The following TNRC6B variants were observed in gnomAD, a reference collection of about 807,000 sequenced individuals.
TNRC6B encodes the protein trinucleotide repeat containing adaptor 6B, also known as trinucleotide repeat-containing gene 6B protein.
A neutral mutation model predicts 203.6 loss-of-function variants in TNRC6B; 52 were observed. The observed-to-expected ratio is 0.26, with a 90% CI of 0.20 to 0.32. The LOEUF (loss-of-function observed/expected upper bound fraction) is 0.32, where lower values mean the gene tolerates loss of function less well. Ranked by LOEUF, TNRC6B falls within the 10% of genes least tolerant of loss-of-function variation. The pLI is 1.00. For missense variants in TNRC6B, 1,923 were observed against 2,286.2 expected, an observed-to-expected ratio of 0.84 and a Z score of 3.24; for synonymous variants, 838 against 845.7, an observed-to-expected ratio of 0.99 and a Z score of 0.16.
intron 1 of TNRC6B, among the ~76,000 whole-genome samples, chr22:40,076,436 T>C (rs2068014129): frequency 6.6e-6 from 1 of 152,228 alleles, no homozygotes; most frequent in Non-Finnish European, 1.5e-5. Flanking sequence ...CTTTTGTTCT[T>C]GAAAAATCTC....
intron 3 of TNRC6B, among the ~76,000 whole-genome samples, chr22:40,132,800 CG>C (rs2068559415): frequency 7.1e-6 from 1 of 140,588 alleles, no homozygotes; most frequent in East Asian, 2.2e-4. Context: ...AAAAATTAGC[CG>C]AGCATGGTGG....
chr22:40,276,239 C>G (rs1008832906), intron 7 of TNRC6B, among the ~76,000 whole-genome samples: 1 of 147,214 alleles, frequency 6.8e-6, no homozygotes, highest in Non-Finnish European at 1.5e-5. Context: ...CCCAGCTACT[C>G]GGGAGGCTGA....
At position 40,261,948 on chromosome 22, in the gene TNRC6B, G is replaced by A. The variant is rs865775118; in HGVS notation, c.232G>A (p.Gly78Arg). 3 of 1,612,706 alleles carry A rather than the reference G, an allele frequency of 1.9e-6. No homozygotes were observed. The highest frequency in any genetic ancestry group is 2.5e-6 in the Non-Finnish European group (3 of 1,179,114). Residue 78 changes from glycine (G) to arginine (R), a missense_variant, in exon 4 of 23, where the codon GGA becomes AGA. Coordinates refer to ENST00000454349, the MANE Select transcript of TNRC6B (RefSeq NM_001162501.2). ...TGCCAAAAGGGTGGCAGTGCCGAACGGACAACCGCCAAGCGCCGCCCGCTA... is the reference window on the plus strand; with the variant it reads ...TGCCAAAAGGGTGGCAGTGCCGAACAGACAACCGCCAAGCGCCGCCCGCTA... ...NNAKRVAVPN[G>R]QPPSAARYMP...
intron 1 of TNRC6B, among the ~76,000 whole-genome samples, chr22:40,199,518 A>G (rs1400173979): frequency 6.6e-6 from 1 of 152,124 alleles, no homozygotes; most frequent in African/African-American, 2.4e-5. Context: ...GTGACATTCT[A>G]CAAAATAACT....
intron 1 of TNRC6B, among the ~76,000 whole-genome samples, chr22:40,087,060 A>T (rs1487945985): frequency 6.6e-6 from 1 of 151,982 alleles, no homozygotes. Flanking sequence ...TGTTTGGAAA[A>T]TTTTGCTTTA....
At chr22:40,276,981 G>T (rs752602948) in intron 7 of TNRC6B, 96 bp from the exon 8 acceptor site, 1 of 864,434 alleles carries the variant, frequency 1.2e-6, no homozygotes, top group Non-Finnish European at 1.7e-6. Flanking sequence ...GACTTAAAAA[G>T]GTAAACTCAA....
At chr22:40,273,291 A>G in intron 6 of TNRC6B, 134 bp from the exon 7 acceptor site, 1 of 784,816 alleles carries the variant, frequency 1.3e-6, no homozygotes, top group Non-Finnish European at 1.9e-6. Flanking sequence ...AATGAGTAAT[A>G]ATATTTGTCT....
chr22:40,220,980 C>G, intron 1 of TNRC6B, among the ~76,000 whole-genome samples: 1 of 152,204 alleles, frequency 6.6e-6, no homozygotes. Flanking sequence ...AGCCCCGCCT[C>G]ACATGCCTTT....
At chr22:40,053,816 G>A (rs1464144522) in intron 1 of TNRC6B, among the ~76,000 whole-genome samples, 5 of 152,230 alleles carry the variant, frequency 3.3e-5, no homozygotes, top group African/African-American at 1.2e-4. Context: ...TGTTGAAACT[G>A]TAGTGAGAAT....
chr22:40,263,378 T>C (rs572677570), intron 4 of TNRC6B, among the ~76,000 whole-genome samples: 1 of 152,286 alleles, frequency 6.6e-6, no homozygotes, highest in East Asian at 1.9e-4. Context: ...CCCATGGCCT[T>C]TCCTTCCTGG....
intron 3 of TNRC6B, among the ~76,000 whole-genome samples, chr22:40,155,634 G>A (rs2068813016): frequency 6.6e-6 from 1 of 152,164 alleles, no homozygotes; most frequent in Non-Finnish European, 1.5e-5. Flanking sequence ...CCTCCCACTA[G>A]GAGTGGATAA....
chr22:40,269,126 CTTTTTTTT>C (rs35575346), intron 5 of TNRC6B, among the ~76,000 whole-genome samples: 3 of 57,854 alleles, frequency 5.2e-5, no homozygotes, highest in Admixed American at 2.8e-4. Flanking sequence ...TACAGTATTT[CTTTTTTTT>C]TTTTTTTTTT....
intron 1 of TNRC6B, among the ~76,000 whole-genome samples, chr22:40,099,009 T>C (rs984819976): frequency 2.6e-5 from 4 of 152,108 alleles, no homozygotes; most frequent in African/African-American, 7.2e-5. Context: ...CCCAGCACTT[T>C]GGGAGGCCGA....
rs1313094236 is a variant in TNRC6B at position 40,330,765 on chromosome 22, C to T, written c.*7524C>T. On this transcript the variant is annotated 3_prime_UTR_variant, in exon 23 of 23. Transcript: ENST00000454349. ...CCGTCCGTTCTAGGAAGAAGCTATC[C>T]GTTGGATACAAACAAACAGACGGTC... 2 of 152,582 alleles carry T rather than the reference C, an allele frequency of 1.3e-5. No individual in the cohort carries two copies. Among genetic ancestry groups the T allele is most frequent in the Non-Finnish European group, 2.9e-5 (2 of 68,018 alleles). 9.5% of individuals were successfully genotyped at this position (152,582 alleles called of 1,614,324 possible).
At chr22:40,158,758 G>C (rs1294250551) in intron 4 of TNRC6B, among the ~76,000 whole-genome samples, 1 of 152,304 alleles carries the variant, frequency 6.6e-6, no homozygotes, top group African/African-American at 2.4e-5. Context: ...GGCCTGGTCA[G>C]CTATTACATA....
chr22:40,055,366 C>T (rs1268550542), intron 1 of TNRC6B, among the ~76,000 whole-genome samples: 2 of 152,060 alleles, frequency 1.3e-5, no homozygotes, highest in African/African-American at 4.8e-5. Flanking sequence ...AGGGCATTTC[C>T]GGCAGAGAGA....
chr22:40,290,047 C>T (rs1007374742), intron 12 of TNRC6B, among the ~76,000 whole-genome samples: 3 of 152,206 alleles, frequency 2.0e-5, no homozygotes, highest in African/African-American at 2.4e-5. Context: ...AAGCCACCGC[C>T]GTTTCTGTCT....
chr22:40,334,049 G>GTTCA lies in TNRC6B; in HGVS notation c.*10809_*10812dup, dbSNP rs1233954954. On this transcript the variant is annotated 3_prime_UTR_variant, in exon 23 of 23. Coordinates refer to ENST00000454349, the MANE Select transcript of TNRC6B (RefSeq NM_001162501.2). ...CCACCCACCTTCTGATTTGGGCACTGTTCACCTTGGAATTTTATTTATTTT... is the reference window on the plus strand; with the variant it reads ...CCACCCACCTTCTGATTTGGGCACTGTTCATTCACCTTGGAATTTTATTTATTTT... The GTTCA allele has an allele frequency of 6.6e-6, 1 of 152,578 alleles. No individual in the cohort carries two copies. Among genetic ancestry groups the GTTCA allele is most frequent in the Non-Finnish European group, 1.5e-5 (1 of 68,032 alleles). The allele number at this position is 152,578 out of a possible 1,614,324, so 9.5% of individuals were successfully genotyped here. A position where few individuals can be genotyped will look rare whatever the true frequency, so the allele number is the denominator to read the frequency against.
rs2146471146 is a variant in TNRC6B at position 40,246,121 on chromosome 22, G to A, written c.93+19G>A. On this transcript the variant is annotated intron_variant, in intron 2 of 22. Transcript: ENST00000454349. ...TCAGAAGGTAGGTTTAATCAGTTAA[G>A]TCTGTCTTTTTATCTGCTAGGCATC... The A allele has an allele frequency of 1.3e-6, 2 of 1,526,624 alleles. No homozygotes were observed. The highest frequency in any genetic ancestry group is 4.9e-5 in the East Asian group (2 of 40,664). The allele number at this position is 1,526,624 out of a possible 1,614,324, so 94.6% of individuals were successfully genotyped here.
Sources: gnomAD v4.1 joint callset for allele counts (sites outside exome capture counted in the v4.1 genomes callset) on GRCh38, gnomAD v4.1.1 for gene constraint, MANE v1.5 for transcripts, NCBI Gene and HGNC (gene_info 2026-07-23, HGNC 2026-07-21) for gene names.